FRMPD4: variants seen among roughly 807,000 people sequenced by gnomAD.
FRMPD4 encodes FERM and PDZ domain containing 4, also known as FERM and PDZ domain-containing protein 4.
A neutral mutation model predicts 94.1 loss-of-function variants in FRMPD4; 22 were observed. That is an observed-to-expected ratio of 0.23 (90% CI 0.17 to 0.33). The LOEUF is 0.33. Ranked by LOEUF, FRMPD4 falls within the 10% of genes least tolerant of loss-of-function variation. FRMPD4 has a pLI of 1.00. For synonymous variants in FRMPD4, 631 were observed against 548.6 expected, an observed-to-expected ratio of 1.15 and a Z score of -2.10; for missense variants, 1,111 against 1,339.9, an observed-to-expected ratio of 0.83 and a Z score of 2.67.
intron 3 of FRMPD4, among the ~76,000 whole-genome samples, chrX:12,056,819 G>C (rs1032615945): frequency 9.0e-6 from 1 of 111,664 alleles, no homozygotes; most frequent in Non-Finnish European, 1.9e-5. Flanking sequence ...TTATTTACCA[G>C]TTCCTGTATT....
intron 3 of FRMPD4, among the ~76,000 whole-genome samples, chrX:12,111,533 C>A (rs1217957922): frequency 9.0e-6 from 1 of 111,297 alleles, no homozygotes; most frequent in Non-Finnish European, 1.9e-5. Flanking sequence ...GTCTAAAACA[C>A]CAAAAGCAAT....
At chrX:12,456,355 C>G (rs927784682) in intron 1 of FRMPD4, among the ~76,000 whole-genome samples, 1 of 111,178 alleles carries the variant, frequency 9.0e-6, no homozygotes, top group Admixed American at 9.6e-5. Flanking sequence ...CAGTTCCTAC[C>G]AGCTTGGGAG....
intron 1 of FRMPD4, among the ~76,000 whole-genome samples, chrX:12,191,104 G>A (rs751131724): frequency 2.7e-5 from 3 of 112,191 alleles, no homozygotes; most frequent in East Asian, 2.8e-4. Flanking sequence ...TAACAGACAC[G>A]TCATCAAAGA....
At chrX:11,960,195 T>A (rs2054277106) in intron 3 of FRMPD4, among the ~76,000 whole-genome samples, 1 of 112,200 alleles carries the variant, frequency 8.9e-6, no homozygotes, top group Admixed American at 9.4e-5. Flanking sequence ...CGGTTAGGAT[T>A]TCCTATGCTT....
intron 1 of FRMPD4, among the ~76,000 whole-genome samples, chrX:12,406,756 T>C: frequency 8.9e-6 from 1 of 112,438 alleles, no homozygotes; most frequent in East Asian, 2.8e-4. Context: ...GCTGCAATTC[T>C]ATGTGTACTC....
chrX:11,957,631 A>G (rs1168527958), intron 3 of FRMPD4, among the ~76,000 whole-genome samples: 1 of 112,423 alleles, frequency 8.9e-6, no homozygotes, highest in Admixed American at 9.4e-5. Flanking sequence ...AAACCTGGCT[A>G]TTTCCCAAGG....
chrX:12,227,924 T>C (rs1290740446), intron 1 of FRMPD4, among the ~76,000 whole-genome samples: 1 of 111,560 alleles, frequency 9.0e-6, no homozygotes, highest in Non-Finnish European at 1.9e-5. Flanking sequence ...TGTGTGTGTG[T>C]GTACATGGAA....
At chrX:12,161,943 C>T (rs1306781675) in intron 1 of FRMPD4, among the ~76,000 whole-genome samples, 1 of 111,455 alleles carries the variant, frequency 9.0e-6, no homozygotes, top group African/African-American at 3.3e-5. Flanking sequence ...TTCAAAAGTC[C>T]CAAGTAGCCC....
intron 3 of FRMPD4, among the ~76,000 whole-genome samples, chrX:11,879,900 T>G (rs1389458856): frequency 8.9e-6 from 1 of 112,296 alleles, no homozygotes; most frequent in Non-Finnish European, 1.9e-5. Context: ...TTAGTCTGTC[T>G]TCCAATGGAG....
At chrX:12,284,517 G>C (rs1346495308) in intron 1 of FRMPD4, among the ~76,000 whole-genome samples, 1 of 111,770 alleles carries the variant, frequency 8.9e-6, no homozygotes, top group Non-Finnish European at 1.9e-5. Context: ...GTCATAGGCA[G>C]GGGTTAGGAA....
chrX:11,972,719 G>A (rs192388393), intron 3 of FRMPD4, among the ~76,000 whole-genome samples: 48 of 112,302 alleles, frequency 4.3e-4, no homozygotes, highest in Admixed American at 1.0e-3. Flanking sequence ...AATCAAATGA[G>A]ATTGATACAT....
At chrX:12,180,911 T>C (rs925254372) in intron 1 of FRMPD4, among the ~76,000 whole-genome samples, 8 of 112,535 alleles carry the variant, frequency 7.1e-5, no homozygotes, top group African/African-American at 2.3e-4. Context: ...TATTCAAGTT[T>C]AAATTGAGGA....
At chrX:12,303,216 T>C (rs953261367) in intron 1 of FRMPD4, among the ~76,000 whole-genome samples, 1 of 112,119 alleles carries the variant, frequency 8.9e-6, no homozygotes, top group Non-Finnish European at 1.9e-5. Context: ...TAAATGTTTA[T>C]TCAGAAAGAA....
At chrX:12,680,157 G>C (rs904710754) in intron 5 of FRMPD4, among the ~76,000 whole-genome samples, 1 of 112,167 alleles carries the variant, frequency 8.9e-6, no homozygotes, top group Middle Eastern at 4.7e-3. Flanking sequence ...AAAGCATCAG[G>C]AGCATTCCAC....
At chrX:12,672,321 A>G (rs1373164509) in intron 4 of FRMPD4, among the ~76,000 whole-genome samples, 1 of 111,855 alleles carries the variant, frequency 8.9e-6, no homozygotes, top group African/African-American at 3.3e-5. Flanking sequence ...GGCTATGCTC[A>G]GTGCTCCTTG....
chrX:12,583,597 G>A, intron 2 of FRMPD4: 4 of 585,924 alleles, frequency 6.8e-6, no homozygotes, highest in Non-Finnish European at 1.1e-5. Context: ...GAGCCTCAGT[G>A]CTGGTAAAGC....
intron 1 of FRMPD4, among the ~76,000 whole-genome samples, chrX:12,181,574 A>G (rs1021751900): frequency 1.8e-5 from 2 of 112,085 alleles, no homozygotes; most frequent in African/African-American, 6.5e-5. Flanking sequence ...CACTACTGAA[A>G]GGTTCCAGGA....
intron 1 of FRMPD4, among the ~76,000 whole-genome samples, chrX:12,465,410 C>A (rs896739740): frequency 6.3e-5 from 7 of 111,226 alleles, no homozygotes; most frequent in African/African-American, 2.3e-4. Flanking sequence ...GGCCACTTGG[C>A]TCCCAGCTCA....
intron 1 of FRMPD4, among the ~76,000 whole-genome samples, chrX:12,212,020 T>C (rs1196775339): frequency 1.8e-5 from 2 of 111,554 alleles, no homozygotes; most frequent in African/African-American, 6.5e-5. Context: ...ATTCCGGGTG[T>C]TGAGATGTTT....
Sources: allele counts gnomAD v4.1 joint callset (sites outside exome capture counted in the v4.1 genomes callset), GRCh38; gene constraint gnomAD v4.1.1; transcripts MANE v1.5; gene names NCBI Gene and HGNC (gene_info 2026-07-23, HGNC 2026-07-21).